Variants in MBNL1 observed in about 807,000 individuals in gnomAD.
MBNL1 encodes muscleblind-like protein 1.
MBNL1 carries 8 observed loss-of-function variants against 42.2 expected under a neutral mutation model. That is an observed-to-expected ratio of 0.19 (90% CI 0.11 to 0.34). The LOEUF is 0.34. Ranked by LOEUF, MBNL1 falls within the 10% of genes least tolerant of loss-of-function variation. The pLI, the probability that MBNL1 is intolerant of heterozygous loss-of-function variation, is 1.00. For synonymous variants in MBNL1, 169 were observed against 173.9 expected, an observed-to-expected ratio of 0.97 and a Z score of 0.22; for missense variants, 309 against 495.3, an observed-to-expected ratio of 0.62 and a Z score of 3.57.
chr3:152,395,801 T>A (rs1329020961), intron 2 of MBNL1, among the ~76,000 whole-genome samples: 1 of 152,256 alleles, frequency 6.6e-6, no homozygotes, highest in Admixed American at 6.5e-5. Context: ...AGCCACTGTC[T>A]GTTGCCTAGC....
At chr3:152,292,961 G>A (rs1172623153) in intron 1 of MBNL1, among the ~76,000 whole-genome samples, 1 of 151,776 alleles carries the variant, frequency 6.6e-6, no homozygotes, top group Admixed American at 6.6e-5. Flanking sequence ...TAGATATAGG[G>A]TCCTACTATG....
chr3:152,253,602 T>C (rs1039869902), intron 2 of MBNL1, among the ~76,000 whole-genome samples: 5 of 152,122 alleles, frequency 3.3e-5, no homozygotes, highest in Admixed American at 6.6e-5. Flanking sequence ...AGCTTATATG[T>C]CTTTGTGTCT....
intron 2 of MBNL1, among the ~76,000 whole-genome samples, chr3:152,401,992 A>G (rs951551601): frequency 8.6e-5 from 13 of 150,546 alleles, no homozygotes; most frequent in Middle Eastern, 3.4e-3. Context: ...AGATCGCGCC[A>G]CTGCACTCCA....
chr3:152,348,363 C>CA (rs2094536662), intron 2 of MBNL1, among the ~76,000 whole-genome samples: 1 of 151,986 alleles, frequency 6.6e-6, no homozygotes, highest in African/African-American at 2.4e-5. Context: ...AATAAGTGAA[C>CA]AAGTAAATGG....
chr3:152,452,469 A>G (rs1176021005), intron 6 of MBNL1, among the ~76,000 whole-genome samples: 1 of 152,166 alleles, frequency 6.6e-6, no homozygotes, highest in Non-Finnish European at 1.5e-5. Context: ...CAGGCTATGC[A>G]TTCTTCATGC....
At chr3:152,391,712 A>G (rs1262386160) in intron 2 of MBNL1, among the ~76,000 whole-genome samples, 2 of 152,208 alleles carry the variant, frequency 1.3e-5, no homozygotes, top group Non-Finnish European at 2.9e-5. Flanking sequence ...TATAGAAAAC[A>G]CCTTGGTATA....
In MBNL1 at chr3:152,459,272, T is replaced by C. The variant is rs1477499526; in HGVS notation, c.1094T>C (p.Ile365Thr). ...ATTAAATAATTTTTTATTTGCTAGA[T>C]ACCCATAATATCTGCCGAACATCTG... ...PFAATATANQ[I>T]PIISAEHLTS... Residue 365 changes from isoleucine (I) to threonine (T), a missense_variant and splice_region_variant, in exon 9 of 10, where the codon ATA (isoleucine) becomes ACA (threonine). Transcript: ENST00000324210. 1 of 1,568,548 alleles carries C rather than the reference T, an allele frequency of 6.4e-7. No individual in the cohort carries two copies. The highest frequency in any genetic ancestry group is 1.2e-5 in the South Asian group (1 of 84,656).
intron 2 of MBNL1, among the ~76,000 whole-genome samples, chr3:152,397,002 A>T (rs1001025804): frequency 6.6e-6 from 1 of 152,220 alleles, no homozygotes; most frequent in Non-Finnish European, 1.5e-5. Context: ...AAGGACAGAA[A>T]TACACTCATG....
chr3:152,358,373 G>A (rs976068090), intron 2 of MBNL1, among the ~76,000 whole-genome samples: 3 of 151,922 alleles, frequency 2.0e-5, no homozygotes, highest in Non-Finnish European at 4.4e-5. Context: ...TAAATCATTG[G>A]CTTCTTGAGA....
At chr3:152,446,418 C>G (rs910546150) in intron 5 of MBNL1, among the ~76,000 whole-genome samples, 1 of 151,920 alleles carries the variant, frequency 6.6e-6, no homozygotes, top group African/African-American at 2.4e-5. Context: ...CTCTCCTCCT[C>G]TCTTCCTTTC....
intron 2 of MBNL1, among the ~76,000 whole-genome samples, chr3:152,316,028 G>A (rs6804451): frequency 0.015 from 2,278 of 152,148 alleles, 51 homozygotes; most frequent in African/African-American, 0.052. Context: ...GTTATTTCTC[G>A]TCACATTGTG....
intron 2 of MBNL1, among the ~76,000 whole-genome samples, chr3:152,310,438 C>A (rs1286621746): frequency 6.6e-6 from 1 of 152,164 alleles, no homozygotes; most frequent in Non-Finnish European, 1.5e-5. Context: ...AGTCTTTATG[C>A]TAAGTTTAAC....
intron 2 of MBNL1, among the ~76,000 whole-genome samples, chr3:152,375,324 T>A (rs2096851523): frequency 6.6e-6 from 1 of 152,226 alleles, no homozygotes; most frequent in African/African-American, 2.4e-5. Context: ...TCCATTGAAA[T>A]CATAAATGCA....
intron 6 of MBNL1, among the ~76,000 whole-genome samples, chr3:152,448,274 G>GT (rs1308696271): frequency 1.3e-5 from 2 of 152,220 alleles, no homozygotes; most frequent in East Asian, 3.9e-4. Flanking sequence ...TCAGTACACT[G>GT]TTTAAAATTA....
intron 3 of MBNL1, among the ~76,000 whole-genome samples, chr3:152,418,032 A>G (rs2098732517): frequency 6.6e-6 from 1 of 152,182 alleles, no homozygotes; most frequent in African/African-American, 2.4e-5. Flanking sequence ...AAGGTTTCCC[A>G]TTTTTATACA....
chr3:152,427,802 AAT>A (rs1395528215), intron 3 of MBNL1, among the ~76,000 whole-genome samples: 1 of 150,874 alleles, frequency 6.6e-6, no homozygotes, highest in African/African-American at 2.4e-5. Context: ...AATTTTTTAA[AAT>A]ATTTTATTTC....
intron 1 of MBNL1, among the ~76,000 whole-genome samples, chr3:152,284,228 A>T (rs917072854): frequency 6.6e-6 from 1 of 152,120 alleles, no homozygotes. Context: ...CTAGGATAGT[A>T]GGGAACAAAG....
chr3:152,354,967 G>A (rs902837095), intron 2 of MBNL1, among the ~76,000 whole-genome samples: 2 of 152,060 alleles, frequency 1.3e-5, no homozygotes, highest in African/African-American at 4.8e-5. Context: ...TCAGTGTATT[G>A]TAATTATTTC....
intron 2 of MBNL1, among the ~76,000 whole-genome samples, chr3:152,261,045 T>G (rs1457903055): frequency 7.2e-5 from 11 of 152,320 alleles, no homozygotes; most frequent in Admixed American, 7.2e-4. Flanking sequence ...GTCAATGGAT[T>G]GCTACCTATT....
Sources: gnomAD v4.1 joint callset for allele counts (sites outside exome capture counted in the v4.1 genomes callset) on GRCh38, gnomAD v4.1.1 for gene constraint, MANE v1.5 for transcripts, NCBI Gene and HGNC (gene_info 2026-07-23, HGNC 2026-07-21) for gene names.